EEF1AKMT1: variants seen among roughly 807,000 people sequenced by gnomAD.
The protein encoded by EEF1AKMT1 is N-6 adenine-specific DNA methyltransferase 2 (putative).
In EEF1AKMT1, 18 loss-of-function variants were observed where a neutral mutation model predicts 21.0. The observed-to-expected ratio is 0.86, with a 90% CI of 0.59 to 1.27. The LOEUF (loss-of-function observed/expected upper bound fraction) is 1.27, where lower values mean the gene tolerates loss of function less well. EEF1AKMT1 is among the 50% of genes most tolerant of loss of function. The pLI is 0.00. For missense variants in EEF1AKMT1, 246 were observed against 258.6 expected (o/e 0.95, Z 0.33); for synonymous variants, 109 against 94.8 (o/e 1.15, Z -0.87).
intron 1 of EEF1AKMT1, chr13:20,769,147 T>G (rs1241000333): frequency 6.6e-6 from 1 of 152,192 alleles, no homozygotes; most frequent in Non-Finnish European, 1.5e-5. Flanking sequence ...AAAAGGATGA[T>G]GTAAACAACT....
At chr13:20,747,804 A>G (rs2058915556) in intron 2 of EEF1AKMT1, 1 of 158,550 alleles carries the variant, frequency 6.3e-6, no homozygotes, top group Non-Finnish European at 1.4e-5. Flanking sequence ...CACATCAAAC[A>G]TTATAATGGC....
chr13:20,765,935 C>T (rs1323698985), intron 1 of EEF1AKMT1, among the ~76,000 whole-genome samples: 1 of 151,914 alleles, frequency 6.6e-6, no homozygotes, highest in Non-Finnish European at 1.5e-5. Context: ...CCACTATACA[C>T]CTACCAGATT....
chr13:20,763,528 C>T (rs1374119952), intron 1 of EEF1AKMT1, among the ~76,000 whole-genome samples: 2 of 151,864 alleles, frequency 1.3e-5, no homozygotes, highest in African/African-American at 2.4e-5. Flanking sequence ...TCTCAGCTCA[C>T]GGCAACCTCC....
intron 3 of EEF1AKMT1, among the ~76,000 whole-genome samples, 162 bp downstream of exon 3, chr13:20,737,561 C>G (rs774932447): frequency 1.3e-5 from 2 of 152,144 alleles, no homozygotes; most frequent in Non-Finnish European, 1.5e-5. Flanking sequence ...GAGTGGGTCT[C>G]TAAACTCAGT....
intron 4 of EEF1AKMT1, among the ~76,000 whole-genome samples, chr13:20,730,860 C>T (rs1409224922): frequency 2.6e-5 from 4 of 152,190 alleles, no homozygotes; most frequent in Non-Finnish European, 5.9e-5. Flanking sequence ...TGTCCTCTTC[C>T]ATGGTGTGGA....
intron 1 of EEF1AKMT1, among the ~76,000 whole-genome samples, chr13:20,766,298 C>CAAAAAAAAAAAAAAAAAAAAAAA (rs35866979): frequency 2.6e-5 from 2 of 76,758 alleles, no homozygotes; most frequent in Admixed American, 1.7e-4. Flanking sequence ...GACTCCATCT[C>CAAAAAAAAAAAAAAAAAAAAAAA]AAAAAAAAAA....
In EEF1AKMT1 at chr13:20,758,643, A is replaced by C. The variant is rs917249691; in HGVS notation, c.-19-1026T>G. On this transcript the variant is annotated intron_variant, in intron 1 of 4. Coordinates refer to ENST00000382758, the MANE Select transcript of EEF1AKMT1 (RefSeq NM_001318939.2). ...CAATACAATTCCTAACAAATTACAA[A>C]CATCATTTTTCACAGAATTAAAAAA... Among the ~76,000 whole-genome samples, 3 of 152,270 alleles carry C rather than the reference A, an allele frequency of 2.0e-5. No homozygotes were observed. The East Asian group carries it at 5.8e-4, about 29-fold the overall frequency.
chr13:20,732,773 A>G (rs2058804821), intron 3 of EEF1AKMT1, among the ~76,000 whole-genome samples: 1 of 152,204 alleles, frequency 6.6e-6, no homozygotes, highest in Admixed American at 6.5e-5. Context: ...TAGGCCTTTG[A>G]TATTTATTTT....
chr13:20,752,973 A>T, intron 2 of EEF1AKMT1, among the ~76,000 whole-genome samples: 1 of 150,434 alleles, frequency 6.6e-6, no homozygotes, highest in Non-Finnish European at 1.5e-5. Context: ...CTTTCCTTCT[A>T]CTCATTTTGG....
At chr13:20,747,855 A>G (rs1767326640) in intron 2 of EEF1AKMT1, 1 of 168,520 alleles carries the variant, frequency 5.9e-6, no homozygotes, top group African/African-American at 2.4e-5. Context: ...CACTCCACCA[A>G]ATTTCTTCTG....
Position 20,732,080 on chromosome 13 carries a change from C to T in EEF1AKMT1, c.269G>A (p.Arg90Lys), listed in dbSNP as rs1220599977. ...CGAAAAGTTTTCTCTGCACAGCTCT[C>T]TGAGTTTCTGGTAAACACTAGGGGC... ...VSAPSVYQKL[R>K]ELCRENFSIY... Residue 90 changes from arginine (R) to lysine (K), a missense_variant, in exon 4 of 5, where the codon AGA becomes AAA. Physicochemically the swap from Arg to Lys is conservative, Grantham distance 26 (BLOSUM62 2). Transcript: ENST00000382758. The T allele has an allele frequency of 6.2e-7, 1 of 1,613,884 alleles. No individual in the cohort carries two copies. The highest frequency in any genetic ancestry group is 8.5e-7 in the Non-Finnish European group (1 of 1,179,942).
chr13:20,769,559 G>A (rs1331246168), intron 1 of EEF1AKMT1, among the ~76,000 whole-genome samples: 1 of 152,106 alleles, frequency 6.6e-6, no homozygotes, highest in Non-Finnish European at 1.5e-5. Flanking sequence ...ACATTCCCAG[G>A]GAAAGGCATG....
At chr13:20,734,180 GAAAT>G (rs1019344316) in intron 3 of EEF1AKMT1, among the ~76,000 whole-genome samples, 3 of 152,200 alleles carry the variant, frequency 2.0e-5, no homozygotes, top group Admixed American at 1.3e-4. Flanking sequence ...TAAAAAAGGT[GAAAT>G]AAAGATATTT....
chr13:20,763,447 C>T (rs1469426366), intron 1 of EEF1AKMT1, among the ~76,000 whole-genome samples: 5 of 151,154 alleles, frequency 3.3e-5, no homozygotes, highest in Admixed American at 6.6e-5. Context: ...ATTTAAGGCC[C>T]GAAATTTTTG....
intron 2 of EEF1AKMT1, among the ~76,000 whole-genome samples, chr13:20,744,247 G>C (rs545990068): frequency 2.0e-5 from 3 of 152,298 alleles, no homozygotes; most frequent in African/African-American, 7.2e-5. Context: ...CTAGAGCCTT[G>C]AGGAATCGCC....
intron 2 of EEF1AKMT1, among the ~76,000 whole-genome samples, chr13:20,755,035 G>C (rs1295457862): frequency 6.6e-6 from 1 of 152,232 alleles, no homozygotes; most frequent in African/African-American, 2.4e-5. Flanking sequence ...AGGGAGGGTG[G>C]TGTGGCTTTC....
At chr13:20,732,668 T>C (rs1017248726) in intron 3 of EEF1AKMT1, among the ~76,000 whole-genome samples, 2 of 152,208 alleles carry the variant, frequency 1.3e-5, no homozygotes, top group South Asian at 4.1e-4. Flanking sequence ...AAGGCTATAG[T>C]TTTTATAGTG....
At chr13:20,749,170 G>A (rs1321722870) in intron 2 of EEF1AKMT1, among the ~76,000 whole-genome samples, 1 of 152,120 alleles carries the variant, frequency 6.6e-6, no homozygotes, top group Non-Finnish European at 1.5e-5. Context: ...ATGCATGACT[G>A]TTTCATTTGC....
chr13:20,747,041 T>C (rs1300579829), intron 2 of EEF1AKMT1: 1 of 154,390 alleles, frequency 6.5e-6, no homozygotes, highest in African/African-American at 2.4e-5. Context: ...TAATAAATGT[T>C]GCACTGCTGA....
Sources: gnomAD v4.1 joint callset for allele counts (sites outside exome capture counted in the v4.1 genomes callset) on GRCh38, gnomAD v4.1.1 for gene constraint, MANE v1.5 for transcripts, NCBI Gene and HGNC (gene_info 2026-07-23, HGNC 2026-07-21) for gene names.